CSGALNACT1: variants seen among roughly 807,000 people sequenced by gnomAD.
CSGALNACT1 encodes the protein chondroitin sulfate N-acetylgalactosaminyltransferase 1, also known as beta4GalNAcT-1.
CSGALNACT1 carries 52 observed loss-of-function variants against 51.0 expected under a neutral mutation model. That is an observed-to-expected ratio of 1.02 (90% CI 0.82 to 1.29). The LOEUF is 1.29. Ranked by LOEUF, CSGALNACT1 falls within the 50% of genes most tolerant of loss-of-function variation. The pLI, the probability that CSGALNACT1 is intolerant of heterozygous loss-of-function variation, is 0.00. For synonymous variants in CSGALNACT1, 341 were observed against 254.4 expected (o/e 1.34, Z -3.24); for missense variants, 935 against 679.2 (o/e 1.38, Z -4.19).
In CSGALNACT1 at chr8:19,756,905, C is replaced by T. The variant is rs564129629; in HGVS notation, c.-297+945G>A. Among the ~76,000 whole-genome samples the T allele has an allele frequency of 3.3e-5, 5 of 152,006 alleles. No homozygotes were observed. In the South Asian group the frequency reaches 6.2e-4, roughly 19 times the overall value. ...GGGAGCGCAGCGGCCCCGGACCCTCCCTGGAAGCTCCCTCCGCGTCCCCGC... is the reference window on the plus strand; with the variant it reads ...GGGAGCGCAGCGGCCCCGGACCCTCTCTGGAAGCTCCCTCCGCGTCCCCGC... On this transcript the variant is annotated intron_variant, in intron 1 of 1. Transcript: ENST00000517494.
intron 3 of CSGALNACT1, among the ~76,000 whole-genome samples, chr8:19,572,153 T>C (rs567075156): frequency 6.6e-6 from 1 of 152,184 alleles, no homozygotes; most frequent in Non-Finnish European, 1.5e-5. Flanking sequence ...TCCCCTAAAA[T>C]AATCATGTTT....
chr8:19,426,399 G>A (rs545418978), intron 6 of CSGALNACT1, among the ~76,000 whole-genome samples: 3 of 152,280 alleles, frequency 2.0e-5, no homozygotes, highest in South Asian at 4.1e-4. Context: ...GAAAAGAGAT[G>A]AGAAAAATAC....
At chr8:19,405,303 A>G (rs936270889) in exon 10 of CSGALNACT1, 4 of 454,036 alleles carry the variant, frequency 8.8e-6, no homozygotes, top group Non-Finnish European at 1.8e-5. Context: ...TGTACTCACT[A>G]GTATCATAAT....
chr8:19,733,180 T>C (rs566404362), intron 1 of CSGALNACT1, among the ~76,000 whole-genome samples: 7 of 152,332 alleles, frequency 4.6e-5, no homozygotes, highest in African/African-American at 1.7e-4. Flanking sequence ...TTCTTTTGTT[T>C]TACATAGCAG....
At chr8:19,437,123 C>T (rs7833166) in intron 6 of CSGALNACT1, among the ~76,000 whole-genome samples, 69,288 of 151,438 alleles carry the variant, frequency 0.46, 17,320 homozygotes, top group East Asian at 0.83. Flanking sequence ...CATCAAATCG[C>T]GCACCAAGTG....
intron 1 of CSGALNACT1, among the ~76,000 whole-genome samples, chr8:19,650,881 A>C (rs1489065073): frequency 6.6e-6 from 1 of 152,208 alleles, no homozygotes; most frequent in African/African-American, 2.4e-5. Flanking sequence ...TCAGGTGAAG[A>C]GTCACGAGTT....
upstream of CSGALNACT1, among the ~76,000 whole-genome samples, chr8:19,685,379 G>C (rs746611322): frequency 3.3e-5 from 5 of 152,134 alleles, no homozygotes; most frequent in Non-Finnish European, 7.3e-5. Context: ...ATGTGCCTGT[G>C]GTCCCAGCTA....
chr8:19,544,434 G>C (rs1353751278), intron 3 of CSGALNACT1, among the ~76,000 whole-genome samples: 2 of 152,184 alleles, frequency 1.3e-5, no homozygotes, highest in Non-Finnish European at 2.9e-5. Context: ...ATGTTTAAGA[G>C]TATGACATTT....
chr8:19,580,693 C>G lies in CSGALNACT1; in HGVS notation c.-297+10467G>C, dbSNP rs1238384677. On this transcript the variant is annotated intron_variant, in intron 3 of 9. Transcript: ENST00000454498. Reference sequence around the variant, plus strand: ...AGATCAAATGACCAAAACCAAGATACAAAACTGGTAATACACAGACTCACT... The same window carrying G: ...AGATCAAATGACCAAAACCAAGATAGAAAACTGGTAATACACAGACTCACT... Among the ~76,000 whole-genome samples the G allele has an allele frequency of 3.9e-5, 6 of 152,070 alleles. No homozygotes were observed. The East Asian group carries it at 1.2e-3, about 29-fold the overall frequency.
upstream of CSGALNACT1, among the ~76,000 whole-genome samples, chr8:19,686,789 G>A (rs576399966): frequency 2.0e-4 from 31 of 152,252 alleles, 2 homozygotes; most frequent in South Asian, 6.4e-3. Context: ...CCCCAGACAG[G>A]GATACCATCC....
intron 3 of CSGALNACT1, among the ~76,000 whole-genome samples, chr8:19,563,026 C>G (rs1297866559): frequency 6.6e-6 from 1 of 152,112 alleles, no homozygotes; most frequent in Non-Finnish European, 1.5e-5. Context: ...TAGAATCAAC[C>G]CAAATGCCCA....
upstream of CSGALNACT1, among the ~76,000 whole-genome samples, chr8:19,684,026 T>C (rs774112001): frequency 6.6e-6 from 1 of 151,948 alleles, no homozygotes; most frequent in Non-Finnish European, 1.5e-5. Flanking sequence ...ATTAGCCGGG[T>C]ATGGCGGCAC....
intron 1 of CSGALNACT1, among the ~76,000 whole-genome samples, chr8:19,729,745 C>A (rs1248180783): frequency 6.6e-6 from 1 of 152,192 alleles, no homozygotes; most frequent in East Asian, 1.9e-4. Flanking sequence ...CCTTCCCCCT[C>A]ATTTATCCTC....
intron 1 of CSGALNACT1, among the ~76,000 whole-genome samples, chr8:19,756,896 C>T (rs1383731374): frequency 6.6e-6 from 1 of 151,964 alleles, no homozygotes; most frequent in Non-Finnish European, 1.5e-5. Context: ...GCAGCGGCCC[C>T]GGACCCTCCC....
chr8:19,505,391 G>C (rs537689859), exon 4 of CSGALNACT1: 1 of 1,614,074 alleles, frequency 6.2e-7, no homozygotes. Context: ...TAAAGCTATC[G>C]AAAGGCACTG....
chr8:19,722,982 A>T (rs985456947), intron 1 of CSGALNACT1, among the ~76,000 whole-genome samples: 1 of 152,206 alleles, frequency 6.6e-6, no homozygotes, highest in South Asian at 2.1e-4. Context: ...CCTGCCACCG[A>T]TCTTTATTCT....
chr8:19,660,346 ATTAC>A (rs1438020826), intron 1 of CSGALNACT1, among the ~76,000 whole-genome samples: 1 of 152,202 alleles, frequency 6.6e-6, no homozygotes, highest in African/African-American at 2.4e-5. Context: ...CCTCAAGCAA[ATTAC>A]TTAATCCCCC....
intron 2 of CSGALNACT1, among the ~76,000 whole-genome samples, chr8:19,598,569 C>T (rs977770052): frequency 1.3e-5 from 2 of 152,260 alleles, no homozygotes; most frequent in South Asian, 4.1e-4. Context: ...TGCTTCCTTC[C>T]AAAAATGATT....
Position 19,747,980 on chromosome 8 carries a change from T to A in CSGALNACT1, c.-297+9870A>T, listed in dbSNP as rs186039848. 1.3e-3 allele frequency among the ~76,000 whole-genome samples: 201 copies of A among 152,280 alleles called. 1 individual carries two copies. Among genetic ancestry groups the A allele is most frequent in the African/African-American group, 4.6e-3 (192 of 41,550 alleles). ...CTTTAGACAACTTGGAGGTCATAGGTATATCCAAAGAAATATCCCTGCAAA... is the reference window on the plus strand; with the variant it reads ...CTTTAGACAACTTGGAGGTCATAGGAATATCCAAAGAAATATCCCTGCAAA... On this transcript the variant is annotated intron_variant, in intron 1 of 1. Coordinates refer to the CSGALNACT1 transcript ENST00000517494.
Sources: allele counts gnomAD v4.1 joint callset (sites outside exome capture counted in the v4.1 genomes callset), GRCh38; gene constraint gnomAD v4.1.1; transcripts MANE v1.5; gene names NCBI Gene and HGNC (gene_info 2026-07-23, HGNC 2026-07-21).